GRID1: variants seen among roughly 807,000 people sequenced by gnomAD.
GRID1 encodes the protein glutamate ionotropic receptor delta type subunit 1.
In GRID1, 28 loss-of-function variants were observed where a neutral mutation model predicts 98.0. That is an observed-to-expected ratio of 0.29 (90% CI 0.21 to 0.39). The LOEUF (loss-of-function observed/expected upper bound fraction) is 0.39, where lower values mean the gene tolerates loss of function less well. Among genes scored for constraint, GRID1 ranks in the 10% least tolerant of loss-of-function variants. GRID1 has a pLI of 1.00. For missense variants in GRID1, 1,111 were observed against 1,340.5 expected (o/e 0.83, Z 2.67); for synonymous variants, 553 against 538.5 (o/e 1.03, Z -0.37).
At chr10:86,336,327 A>G (rs1252341971) in intron 2 of GRID1, among the ~76,000 whole-genome samples, 1 of 152,196 alleles carries the variant, frequency 6.6e-6, no homozygotes, top group Non-Finnish European at 1.5e-5. Context: ...GGCCAAGCAC[A>G]CGCTTAGGAA....
intron 4 of GRID1, among the ~76,000 whole-genome samples, chr10:86,058,549 C>T (rs984180657): frequency 6.6e-6 from 1 of 152,196 alleles, no homozygotes; most frequent in African/African-American, 2.4e-5. Context: ...GAGACAATGA[C>T]CACAGCTCGA....
chr10:86,179,389 G>A (rs750903141), intron 3 of GRID1, among the ~76,000 whole-genome samples: 4 of 151,820 alleles, frequency 2.6e-5, no homozygotes, highest in East Asian at 1.9e-4. Context: ...GGCTCTCCCC[G>A]ATGGCGTGCC....
intron 4 of GRID1, among the ~76,000 whole-genome samples, chr10:85,944,821 G>GT (rs34412615): frequency 0.22 from 32,921 of 150,608 alleles, 4,062 homozygotes; most frequent in Non-Finnish European, 0.28. Context: ...TTACTGTAGA[G>GT]TTTTTTTTTT....
intron 4 of GRID1, among the ~76,000 whole-genome samples, chr10:85,980,777 C>A (rs1016490795): frequency 1.3e-5 from 2 of 152,186 alleles, no homozygotes; most frequent in Non-Finnish European, 2.9e-5. Flanking sequence ...CTTGGAGCCT[C>A]AAGATAACTC....
intron 2 of GRID1, among the ~76,000 whole-genome samples, chr10:86,261,778 CAT>C (rs34431135): frequency 0.13 from 20,255 of 152,102 alleles, 1,572 homozygotes; most frequent in Middle Eastern, 0.2. Flanking sequence ...CACACACACA[CAT>C]ACACATCCGG....
intron 5 of GRID1, among the ~76,000 whole-genome samples, chr10:85,891,787 G>A (rs952757468): frequency 6.6e-6 from 1 of 152,054 alleles, no homozygotes; most frequent in Non-Finnish European, 1.5e-5. Flanking sequence ...AATGAATCAA[G>A]CACCCAACCA....
At chr10:85,872,325 T>A (rs956633144) in intron 5 of GRID1, among the ~76,000 whole-genome samples, 2 of 152,148 alleles carry the variant, frequency 1.3e-5, no homozygotes, top group African/African-American at 4.8e-5. Context: ...CCAGTACACC[T>A]CCAAGAGGAA....
At chr10:86,236,535 C>T (rs2132039105) in intron 2 of GRID1, among the ~76,000 whole-genome samples, 1 of 152,320 alleles carries the variant, frequency 6.6e-6, no homozygotes, top group South Asian at 2.1e-4. Context: ...GTACCCAGTG[C>T]AATACAGATG....
intron 5 of GRID1, among the ~76,000 whole-genome samples, chr10:85,898,715 T>C (rs560663030): frequency 1.3e-5 from 2 of 152,308 alleles, no homozygotes; most frequent in African/African-American, 4.8e-5. Context: ...TCAGGGGCAA[T>C]AGCATGCATG....
chr10:86,117,474 TAAC>T (rs1197420503), intron 4 of GRID1, among the ~76,000 whole-genome samples: 20 of 144,458 alleles, frequency 1.4e-4, no homozygotes, highest in African/African-American at 5.2e-4. Flanking sequence ...TCACCAACAA[TAAC>T]AACACCATCA....
intron 4 of GRID1, among the ~76,000 whole-genome samples, chr10:85,958,173 T>C (rs554573465): frequency 1.8e-3 from 274 of 152,320 alleles, no homozygotes; most frequent in Non-Finnish European, 2.7e-3. Flanking sequence ...TTGTAAATAT[T>C]ACTGCAGTTT....
intron 8 of GRID1, among the ~76,000 whole-genome samples, chr10:85,770,734 G>C: frequency 6.6e-6 from 1 of 152,192 alleles, no homozygotes; most frequent in Non-Finnish European, 1.5e-5. Flanking sequence ...AGTGATGGAA[G>C]ATGAAATGAA....
intron 2 of GRID1, among the ~76,000 whole-genome samples, chr10:86,286,201 G>A (rs1458523092): frequency 1.3e-5 from 2 of 151,536 alleles, no homozygotes; most frequent in Non-Finnish European, 2.9e-5. Flanking sequence ...AAGTGTAGAT[G>A]TATAGTTATA....
chr10:86,061,166 T>C (rs1239596480), intron 4 of GRID1, among the ~76,000 whole-genome samples: 1 of 152,216 alleles, frequency 6.6e-6, no homozygotes, highest in African/African-American at 2.4e-5. Context: ...CATCTTTCTC[T>C]GCAGAGCTCA....
intron 4 of GRID1, among the ~76,000 whole-genome samples, chr10:86,091,451 AC>A (rs1844146513): frequency 6.6e-6 from 1 of 150,950 alleles, no homozygotes; most frequent in African/African-American, 2.4e-5. Flanking sequence ...TGAGAATCTC[AC>A]CCCCATCCCC....
In GRID1 at chr10:85,613,484, G is replaced by C; in HGVS notation, c.2524C>G (p.Leu842Val). The change falls in exon 15 of 16, where the codon CTG (leucine) becomes GTG (valine). Residue 842 changes from leucine (L) to valine (V), a missense_variant. By Grantham distance (32) the Leu-to-Val change is conservative. Coordinates refer to ENST00000327946, the MANE Select transcript of GRID1 (RefSeq NM_017551.3). ...AGVFCILAIG[L>V]LLACLVAALE... ...GCAGCCACCAGGCAGGCCAGGAGCA[G>C]GCCAATGGCCAGGATGCAGAAGACC... 6.2e-7 allele frequency: 1 copy of C among 1,614,120 alleles called. No individual in the cohort carries two copies.
chr10:85,956,518 T>C (rs1204645479), intron 4 of GRID1, among the ~76,000 whole-genome samples: 1 of 152,186 alleles, frequency 6.6e-6, no homozygotes, highest in Non-Finnish European at 1.5e-5. Flanking sequence ...TCTTTTCAAA[T>C]GGGGCAGGTG....
At chr10:85,807,054 G>A (rs1842629020) in intron 8 of GRID1, among the ~76,000 whole-genome samples, 1 of 152,002 alleles carries the variant, frequency 6.6e-6, no homozygotes, top group Non-Finnish European at 1.5e-5. Context: ...TAACTGTAAA[G>A]AAAAATAATC....
intron 5 of GRID1, among the ~76,000 whole-genome samples, chr10:85,899,951 A>G (rs1841355976): frequency 6.6e-6 from 1 of 152,144 alleles, no homozygotes; most frequent in South Asian, 2.1e-4. Context: ...AAACTGCATA[A>G]TATTCATTTG....
Sources: allele counts gnomAD v4.1 joint callset (sites outside exome capture counted in the v4.1 genomes callset), GRCh38; gene constraint gnomAD v4.1.1; transcripts MANE v1.5; gene names NCBI Gene and HGNC (gene_info 2026-07-23, HGNC 2026-07-21).